The following SGCD variants were observed in gnomAD, a reference collection of about 807,000 sequenced individuals.
The protein encoded by SGCD is sarcoglycan delta.
A neutral mutation model predicts 36.6 loss-of-function variants in SGCD; 18 were observed. The observed-to-expected ratio is 0.49, with a 90% confidence interval of 0.34 to 0.73. The LOEUF (loss-of-function observed/expected upper bound fraction) is 0.73. SGCD is among the 30% of genes least tolerant of loss of function. The pLI is 0.01. For synonymous variants in SGCD, 133 were observed against 130.6 expected (o/e 1.02, Z -0.12); for missense variants, 387 against 346.7 (o/e 1.12, Z -0.92).
At chr5:156,261,254 T>C (rs1286235315) in intron 3 of SGCD, among the ~76,000 whole-genome samples, 2 of 152,220 alleles carry the variant, frequency 1.3e-5, no homozygotes, top group South Asian at 2.1e-4. Flanking sequence ...TAATTCTGAT[T>C]GTATTTGCCT....
In SGCD at chr5:156,760,301, T is replaced by C. The variant is rs1001988448; in HGVS notation, c.*911T>C. 9 of 152,318 alleles carry C rather than the reference T, an allele frequency of 5.9e-5. No individual in the cohort carries two copies. Among genetic ancestry groups the C allele is most frequent in the Middle Eastern group, 3.4e-3 (1 of 294 alleles). The allele number at this position is 152,318 out of a possible 1,614,324, so 9.4% of individuals were successfully genotyped here. The stretch of plus-strand genomic sequence containing the variant: ...TTAACCAAAAGATTTCAACCCACAA[T>C]GATCAGGTCAATCAAAATCCCTAAG... On this transcript the variant is annotated 3_prime_UTR_variant, in exon 9 of 9. Coordinates refer to ENST00000337851, the MANE Select transcript of SGCD (RefSeq NM_000337.6).
At chr5:156,298,867 T>G (rs765308640) in intron 3 of SGCD, among the ~76,000 whole-genome samples, 9 of 152,192 alleles carry the variant, frequency 5.9e-5, no homozygotes, top group African/African-American at 2.2e-4. Context: ...GATTAATATT[T>G]TCAAATATTT....
intron 1 of SGCD, among the ~76,000 whole-genome samples, chr5:155,907,420 A>G (rs1756542042): frequency 6.6e-6 from 1 of 152,136 alleles, no homozygotes; most frequent in Admixed American, 6.6e-5. Flanking sequence ...TATAGCTGCC[A>G]TAGATGGTGA....
intron 3 of SGCD, among the ~76,000 whole-genome samples, chr5:156,363,600 TGAG>T (rs1769926649): frequency 6.6e-6 from 1 of 152,182 alleles, no homozygotes; most frequent in African/African-American, 2.4e-5. Context: ...TTTCTCTTCC[TGAG>T]AAGAATAACA....
At chr5:156,548,552 C>G (rs540919987) in intron 4 of SGCD, among the ~76,000 whole-genome samples, 1 of 152,282 alleles carries the variant, frequency 6.6e-6, no homozygotes, top group Non-Finnish European at 1.5e-5. Flanking sequence ...GGTCTTGATT[C>G]TAAACACAGC....
chr5:156,417,698 C>T (rs772122580), intron 3 of SGCD, among the ~76,000 whole-genome samples: 20 of 152,006 alleles, frequency 1.3e-4, no homozygotes, highest in Non-Finnish European at 2.4e-4. Flanking sequence ...CAGGGCTCTA[C>T]CATTATGACC....
chr5:156,185,215 T>TC (rs1393300804), intron 3 of SGCD, among the ~76,000 whole-genome samples: 9 of 34,388 alleles, frequency 2.6e-4, no homozygotes, highest in Admixed American at 2.1e-3. Flanking sequence ...TAATTTTCTT[T>TC]TTTTTTTTTT....
At chr5:156,479,356 A>C (rs1223060747) in intron 3 of SGCD, among the ~76,000 whole-genome samples, 1 of 152,120 alleles carries the variant, frequency 6.6e-6, no homozygotes, top group Admixed American at 6.5e-5. Context: ...TCGGCCTCCC[A>C]AAGTGCTGGG....
At chr5:155,995,572 A>G (rs910368316) in intron 1 of SGCD, among the ~76,000 whole-genome samples, 2 of 152,224 alleles carry the variant, frequency 1.3e-5, no homozygotes, top group African/African-American at 4.8e-5. Flanking sequence ...TTATTCAATA[A>G]AGGTCATAAA....
intron 4 of SGCD, among the ~76,000 whole-genome samples, chr5:156,547,327 C>A (rs1373904781): frequency 6.6e-6 from 1 of 152,136 alleles, no homozygotes; most frequent in Admixed American, 6.5e-5. Flanking sequence ...GACCTTGCCA[C>A]ATATCCATCG....
At position 156,623,759 on chromosome 5, in the gene SGCD, G is replaced by A. The variant is rs1393323202; in HGVS notation, c.503-23705G>A. Among the ~76,000 whole-genome samples, 4 of 152,278 alleles carry A rather than the reference G, an allele frequency of 2.6e-5. No individual in the cohort carries two copies. In the East Asian group the frequency reaches 5.8e-4, roughly 22 times the overall value. On this transcript the variant is annotated intron_variant, in intron 6 of 8. Transcript: ENST00000337851. ...CCTATGAGCTATGAAGGAAGGTAAT[G>A]TGCTTTTCTTCTTTGGCTGTTAAAT... is the stretch of plus-strand genomic sequence containing the variant.
chr5:156,605,589 A>T (rs963354407), intron 6 of SGCD, among the ~76,000 whole-genome samples: 8 of 152,142 alleles, frequency 5.3e-5, no homozygotes, highest in Middle Eastern at 3.2e-3. Flanking sequence ...GGGTCAAATG[A>T]TATTTCTAAT....
At chr5:156,451,889 C>T (rs1044158740) in intron 3 of SGCD, among the ~76,000 whole-genome samples, 5 of 152,146 alleles carry the variant, frequency 3.3e-5, no homozygotes, top group African/African-American at 1.2e-4. Context: ...GTTGAGCTGT[C>T]GTTCTGTGCC....
intron 6 of SGCD, among the ~76,000 whole-genome samples, chr5:156,600,436 G>A (rs1157726953): frequency 6.6e-6 from 1 of 152,046 alleles, no homozygotes; most frequent in African/African-American, 2.4e-5. Flanking sequence ...TTGTATGTCT[G>A]GTTATTTTAC....
chr5:156,626,866 T>G (rs912275339), intron 6 of SGCD, among the ~76,000 whole-genome samples: 5 of 152,134 alleles, frequency 3.3e-5, no homozygotes, highest in African/African-American at 9.7e-5. Flanking sequence ...GGGCAAAGGA[T>G]AAGATGGACC....
chr5:156,308,934 A>C (rs1242556556), intron 3 of SGCD, among the ~76,000 whole-genome samples: 2 of 152,158 alleles, frequency 1.3e-5, no homozygotes, highest in African/African-American at 4.8e-5. Context: ...AATATTACAT[A>C]CTTAGGTAAC....
chr5:156,448,337 C>T (rs1215907590), intron 3 of SGCD, among the ~76,000 whole-genome samples: 2 of 152,140 alleles, frequency 1.3e-5, no homozygotes, highest in Non-Finnish European at 2.9e-5. Context: ...CCTAAGTCTG[C>T]ACAAGGTAAA....
At chr5:156,678,824 A>G (rs1452192116) in intron 7 of SGCD, among the ~76,000 whole-genome samples, 2 of 152,234 alleles carry the variant, frequency 1.3e-5, no homozygotes, top group Admixed American at 1.3e-4. Context: ...ATGCCCTATT[A>G]ACATTTTAAT....
At chr5:156,443,925 C>T (rs1358127595) in intron 3 of SGCD, among the ~76,000 whole-genome samples, 1 of 152,086 alleles carries the variant, frequency 6.6e-6, no homozygotes, top group African/African-American at 2.4e-5. Flanking sequence ...AGTATCTTAT[C>T]TAACTATAAA....
Sources: allele counts gnomAD v4.1 joint callset (sites outside exome capture counted in the v4.1 genomes callset), GRCh38; gene constraint gnomAD v4.1.1; transcripts MANE v1.5; gene names NCBI Gene and HGNC (gene_info 2026-07-23, HGNC 2026-07-21).